Variants in GALNT10 observed in about 807,000 individuals in gnomAD.
GALNT10 encodes polypeptide N-acetylgalactosaminyltransferase 10.
GALNT10 carries 41 observed loss-of-function variants against 75.0 expected under a neutral mutation model. That is an observed-to-expected ratio of 0.55 (90% confidence interval 0.43 to 0.71). The LOEUF (loss-of-function observed/expected upper bound fraction) is 0.71, where lower values mean the gene tolerates loss of function less well. Among genes scored for constraint, GALNT10 ranks in the 30% least tolerant of loss-of-function variants. The pLI is 0.00. For missense variants in GALNT10, 727 were observed against 818.5 expected (o/e 0.89, Z 1.36); for synonymous variants, 302 against 313.0 (o/e 0.96, Z 0.37).
intron 1 of GALNT10, among the ~76,000 whole-genome samples, chr5:154,196,507 T>C (rs1446807279): frequency 6.6e-6 from 1 of 152,172 alleles, no homozygotes; most frequent in Non-Finnish European, 1.5e-5. Flanking sequence ...TTGTCAGGGC[T>C]CGGTCTCCTT....
At position 154,195,643 on chromosome 5, in the gene GALNT10, A is replaced by G. The variant is rs1774926385; in HGVS notation, c.159+4618A>G. The stretch of plus-strand genomic sequence containing the variant: ...TGTAGGTATGAAAACTGAGGCCGAG[A>G]AAAAGGGAAACAAATTAAACAAGTT... On this transcript the variant is annotated intron_variant, in intron 1 of 11. Coordinates refer to ENST00000297107, the MANE Select transcript of GALNT10 (RefSeq NM_198321.4). 2.0e-5 allele frequency among the ~76,000 whole-genome samples: 3 copies of G among 152,244 alleles called. No individual in the cohort carries two copies. In the South Asian group the frequency reaches 6.2e-4, roughly 32 times the overall value.
chr5:154,343,254 C>G (rs1283403350), intron 4 of GALNT10, among the ~76,000 whole-genome samples: 1 of 151,928 alleles, frequency 6.6e-6, no homozygotes, highest in Admixed American at 6.6e-5. Flanking sequence ...TAGAAGCTCT[C>G]AAGAGATATT....
At chr5:154,364,654 C>G (rs1301243036) in intron 4 of GALNT10, among the ~76,000 whole-genome samples, 1 of 152,144 alleles carries the variant, frequency 6.6e-6, no homozygotes, top group Non-Finnish European at 1.5e-5. Context: ...AACTGACAGG[C>G]CAACACTGTT....
At chr5:154,375,516 C>T (rs1334946979) in intron 4 of GALNT10, among the ~76,000 whole-genome samples, 1 of 152,196 alleles carries the variant, frequency 6.6e-6, no homozygotes, top group Non-Finnish European at 1.5e-5. Context: ...AATTTGCTGT[C>T]TTGTGTAATA....
At chr5:154,321,511 G>C (rs1439210056) in intron 3 of GALNT10, among the ~76,000 whole-genome samples, 1 of 151,956 alleles carries the variant, frequency 6.6e-6, no homozygotes. Flanking sequence ...TATTTTTGTA[G>C]ATGAGGTCTC....
At position 154,412,025 on chromosome 5, in the gene GALNT10, G is replaced by A. The variant is rs932690197; in HGVS notation, c.1387-864G>A. ...ACCAGCCAGAGGAGTTCAACATCTC[G>A]CAAGAGTGGGTCTGCCTCACCCATT... On this transcript the variant is annotated intron_variant, in intron 9 of 11. Transcript: ENST00000297107. The surrounding 1 kb of genome is among the most constrained non-coding windows in gnomAD (Gnocchi z 4.2). 1.3e-5 allele frequency among the ~76,000 whole-genome samples: 2 copies of A among 152,198 alleles called. No individual in the cohort carries two copies. The highest frequency in any genetic ancestry group is 2.4e-5 in the African/African-American group (1 of 41,458).
chr5:154,283,888 C>A (rs916618908), intron 1 of GALNT10, among the ~76,000 whole-genome samples: 1 of 152,172 alleles, frequency 6.6e-6, no homozygotes. Flanking sequence ...CAGATGGGTC[C>A]TGTCCCCTGA....
intron 4 of GALNT10, chr5:154,329,971 A>AC: frequency 1.1e-5 from 4 of 367,018 alleles, no homozygotes; most frequent in African/African-American, 6.1e-5. Context: ...CAAAAAAAAA[A>AC]AAAAAACAGA....
chr5:154,212,419 T>C (rs535265333), intron 1 of GALNT10, among the ~76,000 whole-genome samples: 12 of 152,346 alleles, frequency 7.9e-5, no homozygotes, highest in African/African-American at 2.6e-4. Context: ...AATAACATCC[T>C]TGGAATTGTG....
intron 1 of GALNT10, among the ~76,000 whole-genome samples, chr5:154,258,167 T>A (rs909617899): frequency 6.6e-6 from 1 of 152,170 alleles, no homozygotes; most frequent in Non-Finnish European, 1.5e-5. Flanking sequence ...CAGGCTACTA[T>A]CAATATGCCA....
intron 1 of GALNT10, chr5:154,287,420 C>T (rs1005348969): frequency 6.6e-6 from 1 of 152,208 alleles, no homozygotes; most frequent in Admixed American, 6.5e-5. Context: ...CCCCAACCCC[C>T]ACCCCTCAAC....
In GALNT10 at chr5:154,260,355, C is replaced by T. The variant is rs115096006; in HGVS notation, c.160-34461C>T. Among the ~76,000 whole-genome samples, 481 of 152,198 alleles carry T rather than the reference C, an allele frequency of 3.2e-3. 2 individuals are homozygous for T. Among genetic ancestry groups the T allele is most frequent in the African/African-American group, 0.011 (463 of 41,508 alleles). On this transcript the variant is annotated intron_variant, in intron 1 of 11. Coordinates refer to ENST00000297107, the MANE Select transcript of GALNT10 (RefSeq NM_198321.4). ...ATTACATTATTATTCCAGACACTGT[C>T]GGAATGCTTCTTGCTGAGGAGGGAG...
rs2113127207 is a variant in GALNT10, at chr5:154,337,930, A to G, written c.568+8192A>G. The G allele has an allele frequency of 1.4e-5, 21 of 1,524,352 alleles. No individual in the cohort carries two copies. The South Asian group carries it at 2.3e-4, about 17-fold the overall frequency. The allele number at this position is 1,524,352 out of a possible 1,614,324, so 94.4% of individuals were successfully genotyped here. ...CATTTGTGGCCATTCACAGGATGGT[A>G]TTTCTGAATGACAGTCTTATCCACG... is the stretch of plus-strand genomic sequence containing the variant. On this transcript the variant is annotated intron_variant, in intron 4 of 11. Transcript: ENST00000297107.
At position 154,362,010 on chromosome 5, in the gene GALNT10, G is replaced by C. The variant is rs1338862153; in HGVS notation, c.569-14267G>C. On this transcript the variant is annotated intron_variant, in intron 4 of 11. Transcript: ENST00000297107. ...CACCCAGACAGCCATCTGGGTCCCT[G>C]AATGGGAACAAGATGCCTCTCCAGG... Among the ~76,000 whole-genome samples the C allele has an allele frequency of 2.0e-5, 3 of 152,182 alleles. No individual in the cohort carries two copies. The East Asian group carries it at 5.8e-4, about 29-fold the overall frequency.
At chr5:154,396,641 G>T (rs966625580) in intron 7 of GALNT10, among the ~76,000 whole-genome samples, 3 of 152,170 alleles carry the variant, frequency 2.0e-5, no homozygotes, top group African/African-American at 7.2e-5. Context: ...TGTGTAAAGG[G>T]TGTGATCATG....
At chr5:154,213,130 C>T (rs1274582505) in intron 1 of GALNT10, among the ~76,000 whole-genome samples, 1 of 152,156 alleles carries the variant, frequency 6.6e-6, no homozygotes, top group Non-Finnish European at 1.5e-5. Flanking sequence ...CAGCACAGTG[C>T]CTGGCATGTG....
rs549449814 is a variant in GALNT10 at position 154,241,531 on chromosome 5, G to GT, written c.159+50517dup. 1.4e-3 allele frequency among the ~76,000 whole-genome samples: 199 copies of GT among 146,458 alleles called. 1 individual carries two copies. In the East Asian group the frequency reaches 0.02, roughly 15 times the overall value. On this transcript the variant is annotated intron_variant, in intron 1 of 11. Transcript: ENST00000297107. ...TAATAGAGAGGTTTGTGTTAACAAG[G>GT]TTTTTTTTTTTACATGTATCAAAAC... is the stretch of plus-strand genomic sequence containing the variant.
rs1353126432 is a variant in GALNT10, at chr5:154,409,622, T to C, written c.1246T>C (p.Ser416Pro). Residue 416 changes from serine (S) to proline (P), a missense_variant, in exon 9 of 12, where the codon TCC becomes CCC. Ser to Pro is a moderately conservative substitution (Grantham distance 74). Coordinates refer to ENST00000297107, the MANE Select transcript of GALNT10 (RefSeq NM_198321.4). The surrounding 1 kb of genome is among the most constrained non-coding windows in gnomAD (Gnocchi z 4.5). ...YQRRPEYRHL[S>P]AGDVAVQKKL... The stretch of plus-strand genomic sequence containing the variant: ...GCGCCGGCCTGAATACCGCCACCTC[T>C]CCGCTGGGGATGTCGCAGTCCAGAA... 6.2e-7 allele frequency: 1 copy of C among 1,613,350 alleles called. No homozygotes were observed. The highest frequency in any genetic ancestry group is 2.2e-5 in the East Asian group (1 of 44,888).
intron 4 of GALNT10, among the ~76,000 whole-genome samples, chr5:154,368,854 A>G (rs1351106380): frequency 6.6e-6 from 1 of 152,184 alleles, no homozygotes; most frequent in Non-Finnish European, 1.5e-5. Flanking sequence ...TAGACATCCT[A>G]GAGGACTAGG....
Sources: gnomAD v4.1 joint callset for allele counts (sites outside exome capture counted in the v4.1 genomes callset) on GRCh38, gnomAD v4.1.1 for gene constraint, Gnocchi (gnomAD v3.1) non-coding constraint, MANE v1.5 for transcripts, NCBI Gene and HGNC (gene_info 2026-07-23, HGNC 2026-07-21) for gene names.